The following UBA52 variants were observed in gnomAD, a reference collection of about 807,000 sequenced individuals.
UBA52 encodes the protein ubiquitin A-52 residue ribosomal protein fusion product 1, also known as ubiquitin-ribosomal protein eL40 fusion protein.
In UBA52, 1 loss-of-function variant was observed where a neutral mutation model predicts 15.3. The observed-to-expected ratio is 0.07, with a 90% confidence interval of 0.02 to 0.31. The LOEUF (loss-of-function observed/expected upper bound fraction) is 0.31. Among genes scored for constraint, UBA52 ranks in the 10% least tolerant of loss-of-function variants. The pLI is 1.00. For synonymous variants in UBA52, 50 were observed against 58.3 expected, an observed-to-expected ratio of 0.86 and a Z score of 0.65; for missense variants, 87 against 168.0, an observed-to-expected ratio of 0.52 and a Z score of 2.66.
At chr19:18,572,545 A>C (rs1432102525) in intron 1 of UBA52, 2 of 152,636 alleles carry the variant, frequency 1.3e-5, no homozygotes, top group Admixed American at 1.3e-4. Flanking sequence ...AGCCAGGCTC[A>C]TCTTGAACTC....
upstream of UBA52, chr19:18,571,832 AT>A (rs1264561107): frequency 6.6e-6 from 1 of 152,258 alleles, no homozygotes; most frequent in Admixed American, 6.6e-5. Flanking sequence ...TTCGGCGGCG[AT>A]TAGGTGGTTT....
chr19:18,569,831 C>T (rs982718307), upstream of UBA52, among the ~76,000 whole-genome samples: 7 of 151,880 alleles, frequency 4.6e-5, no homozygotes, highest in East Asian at 5.8e-4. Context: ...GTCAGGAGTT[C>T]GAGACCAGCC....
At chr19:18,567,412 G>A, upstream of UBA52, 1 of 663,720 alleles carries the variant, frequency 1.5e-6, no homozygotes, top group East Asian at 2.7e-5. Context: ...ACAGGAGAAT[G>A]TGGATAAGCA....
chr19:18,572,530 A>G (rs143811369), intron 1 of UBA52: 2,377 of 152,466 alleles, frequency 0.016, 28 homozygotes, highest in Non-Finnish European at 0.024. Flanking sequence ...GAGTTTCACC[A>G]TGTTAGCCAG....
chr19:18,574,215 C>CAAA lies in UBA52; in HGVS notation c.190+476_190+478dup, dbSNP rs41293565. ...AGGAGAATTGCTTGAACTCGGGAGA[C>CAAA]AAAAAAAAAAAGTCATAATGTGAAT... On this transcript the variant is annotated intron_variant, in intron 3 of 4. Transcript: ENST00000442744. 1.5e-3 allele frequency among the ~76,000 whole-genome samples: 220 copies of CAAA among 143,856 alleles called. 2 individuals are homozygous for CAAA. The highest frequency in any genetic ancestry group is 3.4e-3 in the Admixed American group (49 of 14,492). 94.4% of individuals were successfully genotyped at this position (143,856 alleles called of 152,430 possible).
chr19:18,577,432 C>G lies in UBA52; in HGVS notation c.*2282C>G, dbSNP rs566223864. On this transcript the variant is annotated 3_prime_UTR_variant, in exon 5 of 5. Coordinates refer to ENST00000442744, the MANE Select transcript of UBA52 (RefSeq NM_001033930.3). ...TTCCAGCATGTGGAAGCTTTCCTTT[C>G]GCTTCATTCAATAAACAGCTGCTGC... is the stretch of plus-strand genomic sequence containing the variant. 2 of 152,132 alleles carry G rather than the reference C, an allele frequency of 1.3e-5. No individual in the cohort carries two copies. Among genetic ancestry groups the G allele is most frequent in the East Asian group, 3.9e-4 (2 of 5,190 alleles). 9.4% of individuals were successfully genotyped at this position (152,132 alleles called of 1,614,324 possible).
At chr19:18,565,100 C>T in the UBA52 span, 5 of 1,571,252 alleles carry the variant, frequency 3.2e-6, no homozygotes, top group Non-Finnish European at 4.3e-6. Context: ...CTTCACATAC[C>T]AGGGTAAAGG....
chr19:18,565,875 A>T, the UBA52 span, among the ~76,000 whole-genome samples: 10 of 151,974 alleles, frequency 6.6e-5, no homozygotes, highest in African/African-American at 1.9e-4. Flanking sequence ...TTTAGTAGAG[A>T]CGAGATTTCA....
chr19:18,565,581 T>C, the UBA52 span, among the ~76,000 whole-genome samples: 1 of 152,184 alleles, frequency 6.6e-6, no homozygotes, highest in African/African-American at 2.4e-5. Flanking sequence ...TGGCGTGATC[T>C]TGGCTCACTG....
chr19:18,564,613 ACT>A, the UBA52 span, among the ~76,000 whole-genome samples: 1 of 152,036 alleles, frequency 6.6e-6, no homozygotes, highest in East Asian at 1.9e-4. Context: ...ACGAAGCAAG[ACT>A]CTGTCTCAAA....
chr19:18,565,749 G>A, the UBA52 span, among the ~76,000 whole-genome samples: 4 of 152,144 alleles, frequency 2.6e-5, no homozygotes, highest in African/African-American at 9.7e-5. Flanking sequence ...GTGCAGTGGT[G>A]CAATGTCAGC....
chr19:18,564,579 C>T, the UBA52 span, among the ~76,000 whole-genome samples: 3 of 152,070 alleles, frequency 2.0e-5, no homozygotes, highest in Non-Finnish European at 2.9e-5. Flanking sequence ...GCCGAGATCG[C>T]GCCACTGCAC....
chr19:18,573,935 G>A (rs958542480), intron 3 of UBA52, 187 bp downstream of exon 3: 59 of 587,692 alleles, frequency 1.0e-4, no homozygotes, highest in Non-Finnish European at 2.4e-5. Flanking sequence ...TGGATCACCT[G>A]AGGTCAGGAG....
chr19:18,573,452 C>T, intron 2 of UBA52, 49 bp downstream of exon 2: 1 of 1,513,804 alleles, frequency 6.6e-7, no homozygotes, highest in East Asian at 2.3e-5. Context: ...GGGAGTCCCT[C>T]TCTGCCCAGG....
intron 3 of UBA52, among the ~76,000 whole-genome samples, chr19:18,574,543 G>C (rs1436183240): frequency 6.6e-6 from 1 of 152,112 alleles, no homozygotes; most frequent in African/African-American, 2.4e-5. Flanking sequence ...CGTGAGCCAT[G>C]GTGCCCCGCC....
At chr19:18,564,991 G>A in the UBA52 span, 14 of 1,608,828 alleles carry the variant, frequency 8.7e-6, no homozygotes, top group Admixed American at 1.2e-4. Flanking sequence ...GAGATGAAAC[G>A]GGACCTGGAC....
chr19:18,566,001 G>C, the UBA52 span, among the ~76,000 whole-genome samples: 1 of 152,222 alleles, frequency 6.6e-6, no homozygotes, highest in East Asian at 1.9e-4. Flanking sequence ...TGTAATTTTT[G>C]TATTTTTTTA....
chr19:18,571,292 G>C (rs538797186), upstream of UBA52, among the ~76,000 whole-genome samples: 3 of 135,434 alleles, frequency 2.2e-5, no homozygotes, highest in African/African-American at 8.6e-5. Flanking sequence ...CCTGGGCAAC[G>C]AGAGCGAAAC....
rs368778688 is a variant in UBA52, at chr19:18,573,286, C to T, written c.-8-7C>T. 10 of 1,613,834 alleles carry T rather than the reference C, an allele frequency of 6.2e-6. No homozygotes were observed. Among genetic ancestry groups the T allele is most frequent in the African/African-American group, 4.0e-5 (3 of 74,918 alleles). On this transcript the variant is annotated splice_region_variant and splice_polypyrimidine_tract_variant and intron_variant, in intron 1 of 4. Coordinates refer to ENST00000442744, the MANE Select transcript of UBA52 (RefSeq NM_001033930.3). ...ACCAGTCTATCCTGCCTCCCTTCCT[C>T]CTGCAGACGCAAACATGCAGATCTT...
Sources: gnomAD v4.1 joint callset for allele counts (sites outside exome capture counted in the v4.1 genomes callset) on GRCh38, gnomAD v4.1.1 for gene constraint, MANE v1.5 for transcripts, NCBI Gene and HGNC (gene_info 2026-07-23, HGNC 2026-07-21) for gene names.